VLDLR: variants seen among roughly 807,000 people sequenced by gnomAD.
VLDLR encodes the protein very low density lipoprotein receptor, also known as very low-density lipoprotein receptor.
In VLDLR, 81 loss-of-function variants were observed where a neutral mutation model predicts 112.7. The observed-to-expected ratio is 0.72, with a 90% confidence interval of 0.60 to 0.86. The LOEUF (loss-of-function observed/expected upper bound fraction) is 0.86. Among genes scored for constraint, VLDLR ranks in the 40% least tolerant of loss-of-function variants. The pLI is 0.00. For missense variants in VLDLR, 1,237 were observed against 1,099.4 expected, an observed-to-expected ratio of 1.13 and a Z score of -1.77; for synonymous variants, 436 against 384.8, an observed-to-expected ratio of 1.13 and a Z score of -1.56.
intron 17 of VLDLR, 116 bp from the exon 18 acceptor site, chr9:2,652,664 A>AT: frequency 7.1e-7 from 1 of 1,411,310 alleles, no homozygotes; most frequent in Admixed American, 1.8e-5. Flanking sequence ...TCCTAGCTCC[A>AT]TAAAACATGG....
At chr9:2,635,326 G>A in intron 1 of VLDLR, 127 bp from the exon 2 acceptor site, 1 of 1,412,714 alleles carries the variant, frequency 7.1e-7, no homozygotes, top group Non-Finnish European at 9.9e-7. Context: ...ATCCTACTCT[G>A]GCCCTTAGGA....
intron 7 of VLDLR, 72 bp downstream of exon 7, chr9:2,644,031 A>T (rs753287250): frequency 4.7e-5 from 75 of 1,608,248 alleles, no homozygotes; most frequent in Non-Finnish European, 6.2e-5. Context: ...CACTGTGTGG[A>T]CCCCCCGTGA....
At chr9:2,633,051 A>AGAGAGAGAGAGTGTGTGT (rs1460780869) in intron 1 of VLDLR, among the ~76,000 whole-genome samples, 20 of 115,402 alleles carry the variant, frequency 1.7e-4, no homozygotes, top group Admixed American at 1.4e-3. Context: ...AGAGAGAGAG[A>AGAGAGAGAGAGTGTGTGT]GTGTGTGTGT....
At chr9:2,636,955 C>G (rs889127830) in intron 2 of VLDLR, among the ~76,000 whole-genome samples, 2 of 152,158 alleles carry the variant, frequency 1.3e-5, no homozygotes, top group Admixed American at 1.3e-4. Context: ...TCAGTAGGAA[C>G]TAACCTGGGT....
In VLDLR at chr9:2,648,764, T is replaced by G. The variant is rs377125154; in HGVS notation, c.2058T>G (p.Asn686Lys). ...TAGCCACTCTAGTCAACAACCTGAA[T>G]GATGCCCAAGACATCATTGTCTATC... is the stretch of plus-strand genomic sequence containing the variant. ...SELATLVNNL[N>K]DAQDIIVYHE... The change falls in exon 14 of 19, where the codon AAT (asparagine) becomes AAG (lysine). Residue 686 changes from asparagine (N) to lysine (K), a missense_variant. Transcript: ENST00000382100. 5 of 1,614,110 alleles carry G rather than the reference T, an allele frequency of 3.1e-6. No individual in the cohort carries two copies. The African/African-American group carries it at 6.7e-5, about 22-fold the overall frequency.
At chr9:2,644,189 A>G (rs1233116901) in intron 7 of VLDLR, among the ~76,000 whole-genome samples, 2 of 109,630 alleles carry the variant, frequency 1.8e-5, no homozygotes, top group Non-Finnish European at 3.4e-5. Flanking sequence ...ATGGAGTTCC[A>G]CTCTTGTTGC....
intron 18 of VLDLR, among the ~76,000 whole-genome samples, chr9:2,653,214 C>T (rs1003896671): frequency 2.0e-5 from 3 of 152,206 alleles, no homozygotes; most frequent in Non-Finnish European, 4.4e-5. Context: ...CATGTAAATA[C>T]TAGCATGAAC....
intron 16 of VLDLR, 84 bp downstream of exon 16, chr9:2,651,582 T>C: frequency 7.9e-7 from 1 of 1,262,656 alleles, no homozygotes; most frequent in Non-Finnish European, 1.1e-6. Context: ...TAATGCAGCC[T>C]TTAACTACTA....
rs747563957 is a variant in VLDLR at position 2,645,630 on chromosome 9, G to A, written c.1369G>A (p.Glu457Lys). ...NRRDIRKIGL[E>K]RKEYIQLVEQ... is the part of the protein sequence containing the mutation. Reference sequence around the variant, plus strand: ...AAGAGACATCAGGAAGATTGGCTTAGAGAGGAAAGAATATATCCAACTAGT... The same window carrying A: ...AAGAGACATCAGGAAGATTGGCTTAAAGAGGAAAGAATATATCCAACTAGT... The change falls in exon 10 of 19, where the codon GAG becomes AAG. Residue 457 changes from glutamate to lysine, a missense_variant. Physicochemically the swap from Glu to Lys is moderately conservative, Grantham distance 56. Coordinates refer to ENST00000382100, the MANE Select transcript of VLDLR (RefSeq NM_003383.5). 1.2e-6 allele frequency: 2 copies of A among 1,614,216 alleles called. No homozygotes were observed. The highest frequency in any genetic ancestry group is 1.7e-6 in the Non-Finnish European group (2 of 1,180,038).
At position 2,622,096 on chromosome 9, in the gene VLDLR, C is replaced by A; in HGVS notation, c.-94C>A. 1 of 1,288,290 alleles carries A rather than the reference C, an allele frequency of 7.8e-7. No homozygotes were observed. Among genetic ancestry groups the A allele is most frequent in the Non-Finnish European group, 1.0e-6 (1 of 963,974 alleles). The allele number at this position is 1,288,290 out of a possible 1,614,324, so 79.8% of individuals were successfully genotyped here. On this transcript the variant is annotated 5_prime_UTR_variant, in exon 1 of 19. Coordinates refer to ENST00000382100, the MANE Select transcript of VLDLR (RefSeq NM_003383.5). The stretch of plus-strand genomic sequence containing the variant: ...TTCTCCCCCTTTCCCCTCCCCGCCC[C>A]CACCTTCTTCCTCCTTTCGGAAGGA...
intron 17 of VLDLR, among the ~76,000 whole-genome samples, chr9:2,652,215 T>G (rs1008483305): frequency 1.3e-5 from 2 of 152,230 alleles, no homozygotes; most frequent in Non-Finnish European, 2.9e-5. Flanking sequence ...TTAACCTGGC[T>G]TATCCCCTTT....
At position 2,651,940 on chromosome 9, in the gene VLDLR, C is replaced by G. The variant is rs1433605975; in HGVS notation, c.2402C>G (p.Ala801Gly). Reference sequence around the variant, plus strand: ...CCAAAAGGGACTTCTGCCGCATGGGCCATTCTTCCTCTCTGTAAGTAGATT... The same window carrying G: ...CCAAAAGGGACTTCTGCCGCATGGGGCATTCTTCCTCTCTGTAAGTAGATT... ...VPPKGTSAAW[A>G]ILPLLLLVMA... Residue 801 changes from alanine (A) to glycine (G), a missense_variant, in exon 17 of 19, where the codon GCC (alanine) becomes GGC (glycine). By Grantham distance (60) the Ala-to-Gly change is moderately conservative. Transcript: ENST00000382100. 6.2e-7 allele frequency: 1 copy of G among 1,613,896 alleles called. No individual in the cohort carries two copies. Among genetic ancestry groups the G allele is most frequent in the Non-Finnish European group, 8.5e-7 (1 of 1,179,944 alleles).
intron 3 of VLDLR, 140 bp downstream of exon 3, chr9:2,640,121 C>G (rs1817763824): frequency 7.5e-7 from 1 of 1,336,968 alleles, no homozygotes; most frequent in Non-Finnish European, 1.1e-6. Context: ...CAAGGGCAGT[C>G]AAATCATTAC....
rs759638262 is a variant in VLDLR, at chr9:2,643,867, A to G, written c.974A>G (p.Lys325Arg). 5 of 1,614,178 alleles carry G rather than the reference A, an allele frequency of 3.1e-6. No homozygotes were observed. The South Asian group carries it at 5.5e-5, about 18-fold the overall frequency. ...CAGTGCTTGGGCCCTGGAAAATTCA[A>G]GTGCAGAAGTGGAGAATGCATAGAT... ...VNQCLGPGKFKCRSGECIDIS... is the reference protein window; with the variant it reads ...VNQCLGPGKFRCRSGECIDIS... Residue 325 changes from lysine (K) to arginine (R), a missense_variant, in exon 7 of 19, where the codon AAG becomes AGG. Transcript: ENST00000382100.
rs919397620 is a variant in VLDLR at position 2,621,791 on chromosome 9, C to T, written c.-399C>T. On this transcript the variant is annotated 5_prime_UTR_variant, in exon 1 of 19. Transcript: ENST00000382100. ...CCGGCCCCCTCCCCGCTGCTCACCC[C>T]GCTCTCCGGCCGCCGCCGGTGCGGG... 3 of 485,574 alleles carry T rather than the reference C, an allele frequency of 6.2e-6. No individual in the cohort carries two copies. Among genetic ancestry groups the T allele is most frequent in the Non-Finnish European group, 1.2e-5 (3 of 253,180 alleles). The allele number at this position is 485,574 out of a possible 1,614,324, so 30.1% of individuals were successfully genotyped here.
At position 2,657,901 on chromosome 9, in the gene VLDLR, C is replaced by G. The variant is rs989382826; in HGVS notation, c.*4033C>G. On this transcript the variant is annotated 3_prime_UTR_variant, in exon 19 of 19. Transcript: ENST00000382100. ...ACTAAAAAACTACTCGAGTAAATAT[C>G]CTAACAAGTATGATTTTTCTTGGGA... is the stretch of plus-strand genomic sequence containing the variant. 2.6e-5 allele frequency: 4 copies of G among 152,124 alleles called. No homozygotes were observed. Among genetic ancestry groups the G allele is most frequent in the African/African-American group, 9.7e-5 (4 of 41,418 alleles). The allele number at this position is 152,124 out of a possible 1,614,324, so 9.4% of individuals were successfully genotyped here. A position where few individuals can be genotyped will look rare whatever the true frequency, so the allele number is the denominator to read the frequency against.
At chr9:2,648,876 G>T in intron 14 of VLDLR, 66 bp downstream of exon 14, 1 of 1,604,038 alleles carries the variant, frequency 6.2e-7, no homozygotes, top group South Asian at 1.1e-5. Flanking sequence ...AGAACCTGCT[G>T]GATGTCAGTA....
At chr9:2,627,075 C>T (rs1327218488) in intron 1 of VLDLR, among the ~76,000 whole-genome samples, 1 of 152,176 alleles carries the variant, frequency 6.6e-6, no homozygotes, top group Non-Finnish European at 1.5e-5. Context: ...CTGGTTCCTT[C>T]CTTTGTGGCA....
chr9:2,644,813 T>C lies in VLDLR; in HGVS notation c.1146T>C (p.Cys382=). Residue 382 remains cysteine, a synonymous_variant, in exon 8 of 19, where the codon TGT becomes TGC. Coordinates refer to ENST00000382100, the MANE Select transcript of VLDLR (RefSeq NM_003383.5). ...KDLVIGYECD[C]AAGFELIDRK... ...TAGTTATAGGCTACGAGTGTGACTG[T>C]GCAGCTGGGTTTGAACTGATAGATA... 6.2e-7 allele frequency: 1 copy of C among 1,614,200 alleles called. No homozygotes were observed.
Sources: allele counts gnomAD v4.1 joint callset (sites outside exome capture counted in the v4.1 genomes callset), GRCh38; gene constraint gnomAD v4.1.1; transcripts MANE v1.5; gene names NCBI Gene and HGNC (gene_info 2026-07-23, HGNC 2026-07-21).